NPAS3: variants seen among roughly 807,000 people sequenced by gnomAD.
NPAS3 encodes neuronal PAS domain-containing protein 3.
In NPAS3, 14 loss-of-function variants were observed where a neutral mutation model predicts 73.1. The observed-to-expected ratio is 0.19, with a 90% CI of 0.13 to 0.30. The LOEUF is 0.30. NPAS3 is among the 10% of genes least tolerant of loss of function. The pLI is 1.00. For missense variants in NPAS3, 1,096 were observed against 1,250.0 expected (o/e 0.88, Z 1.86); for synonymous variants, 620 against 541.5 (o/e 1.14, Z -2.01).
intron 1 of NPAS3, among the ~76,000 whole-genome samples, chr14:32,991,106 G>A (rs182294911): frequency 1.4e-3 from 214 of 151,610 alleles, no homozygotes; most frequent in African/African-American, 5.0e-3. Flanking sequence ...AAGTAGCTGG[G>A]ACTACAGACA....
chr14:33,494,428 G>T (rs1453563421), intron 4 of NPAS3, among the ~76,000 whole-genome samples: 1 of 152,104 alleles, frequency 6.6e-6, no homozygotes, highest in Non-Finnish European at 1.5e-5. Flanking sequence ...GATCCCTTGG[G>T]CATGATGGGA....
intron 3 of NPAS3, among the ~76,000 whole-genome samples, chr14:33,357,644 G>T (rs968977601): frequency 3.6e-4 from 55 of 152,196 alleles, no homozygotes; most frequent in African/African-American, 1.3e-3. Flanking sequence ...TGGGCCCTGT[G>T]CTCTAGAGTG....
At chr14:33,068,327 A>C (rs2041352623) in intron 2 of NPAS3, among the ~76,000 whole-genome samples, 1 of 152,248 alleles carries the variant, frequency 6.6e-6, no homozygotes, top group South Asian at 2.1e-4. Flanking sequence ...TGCTCTGTCC[A>C]TGAAACATTT....
chr14:33,726,898 A>G (rs1037192005), intron 6 of NPAS3, among the ~76,000 whole-genome samples: 4 of 152,196 alleles, frequency 2.6e-5, no homozygotes, highest in Admixed American at 2.0e-4. Context: ...CGCTCAGTCC[A>G]CATGCCTGCA....
intron 4 of NPAS3, among the ~76,000 whole-genome samples, chr14:33,519,472 G>T (rs1319506224): frequency 1.3e-5 from 2 of 152,116 alleles, no homozygotes; most frequent in Non-Finnish European, 2.9e-5. Flanking sequence ...TGTCATTCAT[G>T]GGTAGAACAG....
chr14:33,301,778 C>G (rs78218367), intron 3 of NPAS3, among the ~76,000 whole-genome samples: 1 of 152,202 alleles, frequency 6.6e-6, no homozygotes, highest in African/African-American at 2.4e-5. Flanking sequence ...TGGTAACACA[C>G]AGAGAATTAT....
chr14:33,347,872 C>CT (rs112055083), intron 3 of NPAS3, among the ~76,000 whole-genome samples: 2,813 of 146,240 alleles, frequency 0.019, 87 homozygotes, highest in African/African-American at 0.064. Context: ...CACAACCATC[C>CT]TTTTTTTTTT....
intron 2 of NPAS3, among the ~76,000 whole-genome samples, chr14:33,196,645 T>C (rs753155253): frequency 9.9e-5 from 15 of 152,260 alleles, no homozygotes; most frequent in African/African-American, 1.4e-4. Context: ...GTTGAGCACA[T>C]TGACATAGAA....
intron 2 of NPAS3, among the ~76,000 whole-genome samples, chr14:33,169,873 T>C (rs2045321112): frequency 6.6e-6 from 1 of 152,212 alleles, no homozygotes; most frequent in Non-Finnish European, 1.5e-5. Context: ...TTATGAGACC[T>C]TGTCGGTACC....
In NPAS3 at chr14:33,774,299, A is replaced by C. The variant is rs144602927; in HGVS notation, c.853-38A>C. 31 of 1,543,596 alleles carry C rather than the reference A, an allele frequency of 2.0e-5. No homozygotes were observed. The East Asian group carries it at 6.1e-4, about 31-fold the overall frequency. On this transcript the variant is annotated intron_variant, in intron 7 of 11. Transcript: ENST00000356141. ...GAAATGCTGTTATATCTGGGATGTAAATTTGACTGGTGTCCTGTACTTAAT... is the reference window on the plus strand; with the variant it reads ...GAAATGCTGTTATATCTGGGATGTACATTTGACTGGTGTCCTGTACTTAAT...
chr14:33,424,083 T>G (rs2048458774), intron 4 of NPAS3, among the ~76,000 whole-genome samples: 1 of 151,972 alleles, frequency 6.6e-6, no homozygotes, highest in South Asian at 2.1e-4. Context: ...CTATAACAAA[T>G]GCCCTCAAGG....
intron 4 of NPAS3, among the ~76,000 whole-genome samples, chr14:33,472,926 T>C (rs2050852704): frequency 6.6e-6 from 1 of 150,810 alleles, no homozygotes; most frequent in Admixed American, 6.6e-5. Context: ...AGAATGCGGA[T>C]GGAAACCATT....
chr14:33,707,339 CTT>C (rs60633048), intron 6 of NPAS3, among the ~76,000 whole-genome samples: 13 of 95,290 alleles, frequency 1.4e-4, no homozygotes, highest in African/African-American at 4.1e-4. Context: ...TCTTTTTCTT[CTT>C]TTTTTTTTTC....
At chr14:33,711,397 G>A (rs192453627) in intron 6 of NPAS3, among the ~76,000 whole-genome samples, 116 of 152,206 alleles carry the variant, frequency 7.6e-4, no homozygotes, top group African/African-American at 2.7e-3. Context: ...TTTAAAATGC[G>A]ACCGGACAAT....
At chr14:33,213,609 A>G (rs1301289174) in intron 2 of NPAS3, 1 of 152,312 alleles carries the variant, frequency 6.6e-6, no homozygotes, top group South Asian at 2.1e-4. Context: ...GTGACAAAAC[A>G]TGTCTTTTCC....
intron 5 of NPAS3, among the ~76,000 whole-genome samples, chr14:33,580,009 A>T (rs141215906): frequency 8.3e-4 from 126 of 152,332 alleles, no homozygotes; most frequent in African/African-American, 2.8e-3. Flanking sequence ...TGTTTTATAG[A>T]CAAGCCATTT....
chr14:33,617,852 G>T (rs780820912), intron 5 of NPAS3, among the ~76,000 whole-genome samples: 21 of 152,040 alleles, frequency 1.4e-4, no homozygotes, highest in Non-Finnish European at 2.8e-4. Flanking sequence ...AGGTCTCTAA[G>T]AGTCTTTGCC....
chr14:33,297,559 C>T (rs1262994697), intron 3 of NPAS3, among the ~76,000 whole-genome samples: 5 of 151,934 alleles, frequency 3.3e-5, no homozygotes, highest in Admixed American at 6.6e-5. Flanking sequence ...TGCTCAGTAG[C>T]CATATTTGGT....
chr14:33,469,478 A>C (rs886756612), intron 4 of NPAS3, among the ~76,000 whole-genome samples: 12 of 152,230 alleles, frequency 7.9e-5, no homozygotes, highest in African/African-American at 2.9e-4. Context: ...AGGACCTCAC[A>C]ACTAGTATGT....
Sources: gnomAD v4.1 joint callset for allele counts (sites outside exome capture counted in the v4.1 genomes callset) on GRCh38, gnomAD v4.1.1 for gene constraint, MANE v1.5 for transcripts, NCBI Gene and HGNC (gene_info 2026-07-23, HGNC 2026-07-21) for gene names.